Variants in AOAH observed in about 807,000 individuals in gnomAD.
AOAH encodes the protein acyloxyacyl hydrolase, also known as acyloxyacyl hydrolase (neutrophil).
A neutral mutation model predicts 92.2 loss-of-function variants in AOAH; 64 were observed. The ratio of observed to expected loss-of-function variants is 0.69; its 90% CI spans 0.57 to 0.86. The LOEUF is 0.86. Ranked by LOEUF, AOAH falls within the 40% of genes least tolerant of loss-of-function variation. The pLI is 0.00. For missense variants in AOAH, 656 were observed against 694.6 expected, an observed-to-expected ratio of 0.94 and a Z score of 0.62; for synonymous variants, 263 against 254.5, an observed-to-expected ratio of 1.03 and a Z score of -0.32.
intron 3 of AOAH, among the ~76,000 whole-genome samples, chr7:36,664,968 G>T (rs1795451014): frequency 6.6e-6 from 1 of 152,230 alleles, no homozygotes; most frequent in South Asian, 2.1e-4. Context: ...AGAGCACGAA[G>T]TCGCTCATTA....
rs761775693 is a variant in AOAH at position 36,516,039 on chromosome 7, TCA to T, written c.1600-2661_1600-2660del. ...CAACCCCACACAACACATAAATACG[TCA>T]CACACACACACACCACACACTACAC... is the stretch of plus-strand genomic sequence containing the variant. On this transcript the variant is annotated intron_variant, in intron 20 of 20. Transcript: ENST00000617537. This position sits in a 1 kb window ranked among gnomAD's most constrained non-coding sequence, Gnocchi z 5.0. Among the ~76,000 whole-genome samples, 56 of 113,782 alleles carry T rather than the reference TCA, an allele frequency of 4.9e-4. No individual in the cohort carries two copies. The highest frequency in any genetic ancestry group is 8.5e-3 in the Middle Eastern group (1 of 118). The allele number at this position is 113,782 out of a possible 152,430, so 74.6% of individuals were successfully genotyped here. A position where few individuals can be genotyped will look rare whatever the true frequency, so the allele number is the denominator to read the frequency against.
intron 3 of AOAH, among the ~76,000 whole-genome samples, chr7:36,671,064 T>TC (rs1425518075): frequency 2.0e-5 from 3 of 152,214 alleles, no homozygotes; most frequent in African/African-American, 7.2e-5. Flanking sequence ...CTGGGACTTT[T>TC]CAGCTTGCTG....
chr7:36,676,153 A>T (rs1796244725), intron 2 of AOAH, among the ~76,000 whole-genome samples: 1 of 152,240 alleles, frequency 6.6e-6, no homozygotes, highest in African/African-American at 2.4e-5. Flanking sequence ...AAGCATTCAG[A>T]TTGGAAAGTA....
chr7:36,569,538 A>G (rs949786647), intron 13 of AOAH, among the ~76,000 whole-genome samples: 1 of 150,878 alleles, frequency 6.6e-6, no homozygotes, highest in Non-Finnish European at 1.5e-5. Flanking sequence ...CCAGATTTAC[A>G]TATATATATA....
intron 2 of AOAH, among the ~76,000 whole-genome samples, chr7:36,674,945 AG>A (rs1796147417): frequency 6.6e-6 from 1 of 152,268 alleles, no homozygotes; most frequent in Non-Finnish European, 1.5e-5. Flanking sequence ...TAGACAAAAA[AG>A]TACGAGACTT....
Position 36,609,497 on chromosome 7 carries a change from C to T in AOAH, c.846+6883G>A, listed in dbSNP as rs372254781. On this transcript the variant is annotated intron_variant, in intron 11 of 20. Coordinates refer to ENST00000617537, the MANE Select transcript of AOAH (RefSeq NM_001637.4). ...ACTGTCCCACCTGGTGCTGGATGAGCTTTAGTTCAGCTGCACTGAGCTCCT... is the reference window on the plus strand; with the variant it reads ...ACTGTCCCACCTGGTGCTGGATGAGTTTTAGTTCAGCTGCACTGAGCTCCT... Among the ~76,000 whole-genome samples the T allele has an allele frequency of 2.9e-4, 44 of 152,244 alleles. 1 individual carries two copies. In the East Asian group the frequency reaches 5.4e-3, roughly 19 times the overall value.
chr7:36,549,603 C>T, intron 13 of AOAH, 128 bp from the exon 14 acceptor site: 2 of 629,646 alleles, frequency 3.2e-6, no homozygotes, highest in Non-Finnish European at 5.6e-6. Context: ...TTCTGACCAA[C>T]ACATTGATGG....
intron 16 of AOAH, among the ~76,000 whole-genome samples, chr7:36,535,121 T>G (rs1784967821): frequency 1.3e-5 from 2 of 151,344 alleles, no homozygotes; most frequent in Non-Finnish European, 1.5e-5. Context: ...TGTCTGTGTG[T>G]GTATGTGTCT....
At chr7:36,669,084 G>A (rs1795740037) in intron 3 of AOAH, among the ~76,000 whole-genome samples, 1 of 152,166 alleles carries the variant, frequency 6.6e-6, no homozygotes, top group African/African-American at 2.4e-5. Context: ...AATCTAAAGA[G>A]GAGCAAGGAT....
In AOAH at chr7:36,637,860, G is replaced by A. The variant is rs1483472081; in HGVS notation, c.441C>T (p.Ser147=). The A allele has an allele frequency of 1.9e-6, 3 of 1,613,980 alleles. No homozygotes were observed. Among genetic ancestry groups the A allele is most frequent in the Non-Finnish European group, 2.5e-6 (3 of 1,179,916 alleles). ...LQKARQIVKK[S]PILKYSRSGS... ...CGTGCTTAGTGCTTACCAGAATCGG[G>A]GACTTCTTGACAATTTGTCTTGCCT... is the stretch of plus-strand genomic sequence containing the variant. Residue 147 remains serine, a synonymous_variant, in exon 5 of 21, where the codon TCC becomes TCT. Coordinates refer to ENST00000617537, the MANE Select transcript of AOAH (RefSeq NM_001637.4).
chr7:36,553,283 TA>T (rs1205364835), intron 13 of AOAH, among the ~76,000 whole-genome samples: 1 of 152,046 alleles, frequency 6.6e-6, no homozygotes, highest in Non-Finnish European at 1.5e-5. Flanking sequence ...TCCATGTTCC[TA>T]CAAAGGACAT....
In AOAH at chr7:36,724,393, C is replaced by G. The variant is rs892841247; in HGVS notation, c.-245G>C. 2.1e-5 allele frequency: 8 copies of G among 382,544 alleles called. No individual in the cohort carries two copies. The Admixed American group carries it at 2.5e-4, about 12-fold the overall frequency. The allele number at this position is 382,544 out of a possible 1,614,324, so 23.7% of individuals were successfully genotyped here. ...CCCTGAGAGAGCCACACACAAAGAG[C>G]TGGAGGGAGTCTGTGGTGTGCGGTT... On this transcript the variant is annotated 5_prime_UTR_variant, in exon 1 of 21. Transcript: ENST00000617537.
chr7:36,534,213 GC>G (rs1326210238), intron 16 of AOAH, among the ~76,000 whole-genome samples: 2 of 152,192 alleles, frequency 1.3e-5, no homozygotes, highest in Admixed American at 1.3e-4. Flanking sequence ...GCTCCACGCT[GC>G]CTGATGCCCT....
chr7:36,515,078 T>TACACCACACCCCTCACAATCCC, intron 20 of AOAH, among the ~76,000 whole-genome samples: 1 of 146,284 alleles, frequency 6.8e-6, no homozygotes, highest in South Asian at 2.2e-4. Context: ...CACACACACA[T>TACACCACACCCCTCACAATCCC]ACACCACACC....
chr7:36,649,648 T>C (rs964079334), intron 4 of AOAH, among the ~76,000 whole-genome samples: 1 of 152,248 alleles, frequency 6.6e-6, no homozygotes, highest in Admixed American at 6.5e-5. Context: ...GGATACCCTC[T>C]TTGGGTCCCC....
At chr7:36,555,633 T>C (rs1220774851) in intron 13 of AOAH, among the ~76,000 whole-genome samples, 4 of 152,246 alleles carry the variant, frequency 2.6e-5, no homozygotes, top group Admixed American at 1.3e-4. Flanking sequence ...TTTTGGTTGG[T>C]AAGCTATTGA....
intron 2 of AOAH, among the ~76,000 whole-genome samples, chr7:36,676,248 A>T (rs1190309989): frequency 2.0e-5 from 3 of 152,320 alleles, no homozygotes; most frequent in Admixed American, 2.0e-4. Context: ...GAACAAATAA[A>T]TAAGTTCAGT....
chr7:36,578,675 A>G (rs1353307001), intron 12 of AOAH, among the ~76,000 whole-genome samples: 1 of 152,054 alleles, frequency 6.6e-6, no homozygotes, highest in Non-Finnish European at 1.5e-5. Flanking sequence ...TTCACTTCCT[A>G]CTCTAGAAGA....
At chr7:36,566,036 A>G (rs1253846017) in intron 13 of AOAH, among the ~76,000 whole-genome samples, 1 of 150,768 alleles carries the variant, frequency 6.6e-6, no homozygotes, top group Non-Finnish European at 1.5e-5. Flanking sequence ...TTTAATCTAA[A>G]CTGATTGCTT....
Sources: gnomAD v4.1 joint callset for allele counts (sites outside exome capture counted in the v4.1 genomes callset) on GRCh38, gnomAD v4.1.1 for gene constraint, Gnocchi (gnomAD v3.1) non-coding constraint, MANE v1.5 for transcripts, NCBI Gene and HGNC (gene_info 2026-07-23, HGNC 2026-07-21) for gene names.